The following PTPRM variants were observed in gnomAD, a reference collection of about 807,000 sequenced individuals.
PTPRM encodes the protein protein tyrosine phosphatase receptor type M, also known as receptor-type tyrosine-protein phosphatase mu.
A neutral mutation model predicts 186.7 loss-of-function variants in PTPRM; 47 were observed. The ratio of observed to expected loss-of-function variants is 0.25; its 90% CI spans 0.20 to 0.32. The LOEUF (loss-of-function observed/expected upper bound fraction) is 0.32, where lower values mean the gene tolerates loss of function less well. Ranked by LOEUF, PTPRM falls within the 10% of genes least tolerant of loss-of-function variation. The pLI is 1.00. For missense variants in PTPRM, 1,494 were observed against 1,865.0 expected (o/e 0.80, Z 3.66); for synonymous variants, 668 against 674.9 (o/e 0.99, Z 0.16).
chr18:7,609,213 G>C (rs940775826), intron 1 of PTPRM, among the ~76,000 whole-genome samples: 1 of 152,208 alleles, frequency 6.6e-6, no homozygotes, highest in African/African-American at 2.4e-5. Context: ...TTTCTCCTGA[G>C]ATTTGGGTCT....
rs533976711 is a variant in PTPRM at position 8,210,573 on chromosome 18, G to A, written c.2301-33485G>A. 2.4e-3 allele frequency among the ~76,000 whole-genome samples: 370 copies of A among 152,248 alleles called. 1 individual carries two copies. The highest frequency in any genetic ancestry group is 8.3e-3 in the African/African-American group (344 of 41,544). ...AGATAAATTTCTCTTGTTCTGATCCGCCCAATTTAGGGTACTTTTTACAGC... is the reference window on the plus strand; with the variant it reads ...AGATAAATTTCTCTTGTTCTGATCCACCCAATTTAGGGTACTTTTTACAGC... On this transcript the variant is annotated intron_variant, in intron 14 of 32. Transcript: ENST00000580170.
At chr18:8,272,220 A>AAAAG (rs1325098872) in intron 19 of PTPRM, among the ~76,000 whole-genome samples, 31 of 151,536 alleles carry the variant, frequency 2.0e-4, no homozygotes, top group South Asian at 8.3e-4. Context: ...AAAAAAAAAA[A>AAAAG]AAAGAAAGAA....
chr18:8,304,113 AT>A (rs2095192704), intron 20 of PTPRM, among the ~76,000 whole-genome samples: 1 of 152,246 alleles, frequency 6.6e-6, no homozygotes, highest in Admixed American at 6.5e-5. Context: ...GAGGTGAAAG[AT>A]TATCAGTGAT....
chr18:8,069,119 A>G (rs1286277905), intron 7 of PTPRM, among the ~76,000 whole-genome samples: 2 of 151,506 alleles, frequency 1.3e-5, no homozygotes, highest in African/African-American at 4.8e-5. Flanking sequence ...CAAAAAAAAA[A>G]AAAAAAAAAA....
intron 9 of PTPRM, among the ~76,000 whole-genome samples, chr18:8,076,888 CAGA>C (rs1201367769): frequency 6.6e-6 from 1 of 152,076 alleles, no homozygotes; most frequent in African/African-American, 2.4e-5. Context: ...AAGACAAACA[CAGA>C]ATTCTATTCT....
intron 14 of PTPRM, among the ~76,000 whole-genome samples, chr18:8,205,870 T>C (rs2093920662): frequency 1.3e-5 from 2 of 152,082 alleles, no homozygotes; most frequent in South Asian, 2.1e-4. Context: ...ATTGCTAACG[T>C]TTTTAAAGCC....
rs190596051 is a variant in PTPRM at position 7,791,367 on chromosome 18, T to C, written c.196+17096T>C. 1.7e-4 allele frequency among the ~76,000 whole-genome samples: 26 copies of C among 152,338 alleles called. 1 individual carries two copies. In the Middle Eastern group the frequency reaches 0.01, roughly 60 times the overall value. On this transcript the variant is annotated intron_variant, in intron 2 of 32. Coordinates refer to ENST00000580170, the MANE Select transcript of PTPRM (RefSeq NM_001105244.2). ...ATGCTGTGACAAATAAATCTCACAA[T>C]GTCAGTAACACTGTGGACCTTTATT...
At chr18:7,779,876 A>C (rs2042771753) in intron 2 of PTPRM, among the ~76,000 whole-genome samples, 1 of 152,220 alleles carries the variant, frequency 6.6e-6, no homozygotes, top group African/African-American at 2.4e-5. Context: ...GAGTGAAACA[A>C]ATAAAGATCC....
chr18:7,742,513 A>G (rs542968873), intron 1 of PTPRM, among the ~76,000 whole-genome samples: 12 of 152,230 alleles, frequency 7.9e-5, no homozygotes, highest in African/African-American at 2.9e-4. Context: ...GGATAAAAAG[A>G]TGTATATTTC....
At position 7,628,392 on chromosome 18, in the gene PTPRM, A is replaced by G. The variant is rs188953984; in HGVS notation, c.73+60501A>G. On this transcript the variant is annotated intron_variant, in intron 1 of 32. Coordinates refer to ENST00000580170, the MANE Select transcript of PTPRM (RefSeq NM_001105244.2). ...TTATTCCCTAGTGTATTGTTGTTGC[A>G]AAGTAGTTACTGTCTTTCAAATGAA... is the stretch of plus-strand genomic sequence containing the variant. 2.9e-3 allele frequency among the ~76,000 whole-genome samples: 438 copies of G among 152,364 alleles called. 1 individual carries two copies. The highest frequency in any genetic ancestry group is 4.7e-3 in the Admixed American group (72 of 15,308).
intron 1 of PTPRM, among the ~76,000 whole-genome samples, chr18:7,717,952 G>T (rs2040373095): frequency 2.6e-5 from 4 of 152,298 alleles, no homozygotes; most frequent in African/African-American, 9.6e-5. Flanking sequence ...TTGAGGAGTT[G>T]AGAGTGGCGG....
intron 1 of PTPRM, among the ~76,000 whole-genome samples, chr18:7,672,257 C>A (rs890316833): frequency 6.6e-6 from 1 of 151,946 alleles, no homozygotes. Context: ...TAGAAATGAT[C>A]CCAGTCTTTG....
intron 2 of PTPRM, among the ~76,000 whole-genome samples, chr18:7,854,235 T>C (rs945632661): frequency 1.3e-5 from 2 of 152,208 alleles, no homozygotes; most frequent in Non-Finnish European, 2.9e-5. Context: ...CCTCTGATTC[T>C]TATTGCTGAA....
intron 31 of PTPRM, among the ~76,000 whole-genome samples, chr18:8,391,991 T>C (rs926033746): frequency 6.6e-6 from 1 of 152,178 alleles, no homozygotes; most frequent in Non-Finnish European, 1.5e-5. Context: ...AGAGATGTGA[T>C]GAATGAGAAA....
Position 8,373,313 on chromosome 18 carries a change from G to A in PTPRM, c.3171+2307G>A, listed in dbSNP as rs552858448. On this transcript the variant is annotated intron_variant, in intron 24 of 32. Coordinates refer to ENST00000580170, the MANE Select transcript of PTPRM (RefSeq NM_001105244.2). ...GGGACCTAAAGGTGAAAGTGGATTA[G>A]GGCTCTGCTCTGCAAAACAAGCAGA... 9.8e-4 allele frequency among the ~76,000 whole-genome samples: 150 copies of A among 152,288 alleles called. 1 individual carries two copies. Among genetic ancestry groups the A allele is most frequent in the African/African-American group, 3.4e-3 (142 of 41,558 alleles).
At chr18:7,671,852 C>T (rs550599055) in intron 1 of PTPRM, among the ~76,000 whole-genome samples, 32 of 151,990 alleles carry the variant, frequency 2.1e-4, no homozygotes, top group African/African-American at 6.0e-4. Context: ...GCTGGTGTAC[C>T]GAAGTCTAAA....
intron 7 of PTPRM, among the ~76,000 whole-genome samples, chr18:7,988,407 A>G (rs986914808): frequency 6.6e-6 from 1 of 152,184 alleles, no homozygotes; most frequent in African/African-American, 2.4e-5. Context: ...TATTGTAATA[A>G]AGTATACATA....
intron 4 of PTPRM, among the ~76,000 whole-genome samples, chr18:7,920,829 T>G (rs1207728694): frequency 6.6e-6 from 1 of 152,208 alleles, no homozygotes; most frequent in African/African-American, 2.4e-5. Flanking sequence ...TGGGAAAGAC[T>G]TTATCTGACC....
intron 22 of PTPRM, among the ~76,000 whole-genome samples, chr18:8,342,401 T>C (rs770896372): frequency 3.3e-5 from 5 of 152,260 alleles, no homozygotes; most frequent in Non-Finnish European, 5.9e-5. Context: ...TCATAGAGGC[T>C]AAGTAACTTG....
Sources: allele counts gnomAD v4.1 joint callset (sites outside exome capture counted in the v4.1 genomes callset), GRCh38; gene constraint gnomAD v4.1.1; transcripts MANE v1.5; gene names NCBI Gene and HGNC (gene_info 2026-07-23, HGNC 2026-07-21).